Variants in NELL1 observed in about 807,000 individuals in gnomAD.
The protein encoded by NELL1 is protein kinase C-binding protein NELL1.
A neutral mutation model predicts 107.4 loss-of-function variants in NELL1; 76 were observed. The ratio of observed to expected loss-of-function variants is 0.71; its 90% confidence interval spans 0.59 to 0.86. The LOEUF (loss-of-function observed/expected upper bound fraction) is 0.86, where lower values mean the gene tolerates loss of function less well. Ranked by LOEUF, NELL1 falls within the 40% of genes least tolerant of loss-of-function variation. The pLI, the probability that NELL1 is intolerant of heterozygous loss-of-function variation, is 0.00. For missense variants in NELL1, 1,024 were observed against 1,005.5 expected (o/e 1.02, Z -0.25); for synonymous variants, 353 against 341.2 (o/e 1.03, Z -0.38).
intron 14 of NELL1, among the ~76,000 whole-genome samples, chr11:21,249,379 T>C (rs1858578989): frequency 1.3e-5 from 2 of 152,150 alleles, no homozygotes; most frequent in South Asian, 2.1e-4. Flanking sequence ...TCAACAGATA[T>C]ATTCTTGAAA....
chr11:21,484,778 C>A (rs1854584708), intron 15 of NELL1, among the ~76,000 whole-genome samples: 1 of 152,074 alleles, frequency 6.6e-6, no homozygotes, highest in Non-Finnish European at 1.5e-5. Context: ...TTCTCCAAAT[C>A]AACAGACTGA....
intron 2 of NELL1, among the ~76,000 whole-genome samples, chr11:20,751,686 T>C (rs1046658197): frequency 6.6e-6 from 1 of 151,420 alleles, no homozygotes; most frequent in Non-Finnish European, 1.5e-5. Flanking sequence ...GATGAAGTCT[T>C]GCTGTGTTGC....
At chr11:20,879,782 G>T (rs1590374295) in intron 4 of NELL1, among the ~76,000 whole-genome samples, 1 of 152,066 alleles carries the variant, frequency 6.6e-6, no homozygotes, top group African/African-American at 2.4e-5. Context: ...AAAGAAATAA[G>T]ATATTTACTT....
chr11:21,498,481 CA>C lies in NELL1; in HGVS notation c.1646-35892del, dbSNP rs577343671. 3.0e-3 allele frequency among the ~76,000 whole-genome samples: 454 copies of C among 150,850 alleles called. 4 individuals carry two copies. The highest frequency in any genetic ancestry group is 9.3e-3 in the African/African-American group (384 of 41,402). ...TTAAAGAGACACATATTGATACATA[CA>C]TAGTTCTGATAATTTTTTTAAGTAC... On this transcript the variant is annotated intron_variant, in intron 15 of 19. Transcript: ENST00000357134.
At chr11:21,368,207 C>G (rs963083966) in intron 14 of NELL1, among the ~76,000 whole-genome samples, 3 of 151,892 alleles carry the variant, frequency 2.0e-5, no homozygotes, top group African/African-American at 7.3e-5. Context: ...TTGGTTATTT[C>G]AGATAAAGAT....
chr11:21,090,263 T>C (rs903671179), intron 12 of NELL1, among the ~76,000 whole-genome samples: 7 of 152,272 alleles, frequency 4.6e-5, no homozygotes, highest in African/African-American at 1.7e-4. Context: ...TTTGTTGTTG[T>C]TGATGGTGAG....
At chr11:20,884,848 A>G (rs1358749164) in intron 4 of NELL1, among the ~76,000 whole-genome samples, 1 of 152,166 alleles carries the variant, frequency 6.6e-6, no homozygotes, top group East Asian at 1.9e-4. Context: ...AGAGCATAAA[A>G]AGTGTTCAAT....
chr11:21,212,444 CCTT>C (rs748576025), intron 13 of NELL1, among the ~76,000 whole-genome samples: 1 of 152,154 alleles, frequency 6.6e-6, no homozygotes, highest in Admixed American at 6.5e-5. Flanking sequence ...CAGTCCCAGT[CCTT>C]CTAGGTTCTT....
At chr11:21,245,447 G>A (rs1015435387) in intron 14 of NELL1, among the ~76,000 whole-genome samples, 1 of 152,150 alleles carries the variant, frequency 6.6e-6, no homozygotes, top group Non-Finnish European at 1.5e-5. Flanking sequence ...TGTGTCCTCA[G>A]TTGGAAGGAA....
intron 14 of NELL1, among the ~76,000 whole-genome samples, chr11:21,263,525 A>G (rs918983146): frequency 2.6e-4 from 39 of 152,110 alleles, no homozygotes; most frequent in Admixed American, 8.5e-4. Context: ...CCGGTATTCA[A>G]TATGGAATCT....
chr11:21,149,880 C>T (rs946239196), intron 13 of NELL1, among the ~76,000 whole-genome samples: 3 of 151,996 alleles, frequency 2.0e-5, no homozygotes, highest in African/African-American at 7.3e-5. Flanking sequence ...TAAAAAGTAC[C>T]AGTGAATGAC....
Position 20,978,304 on chromosome 11 carries a change from C to T in NELL1, c.1300+17744C>T, listed in dbSNP as rs181662307. Among the ~76,000 whole-genome samples, 81 of 152,192 alleles carry T rather than the reference C, an allele frequency of 5.3e-4. 1 individual carries two copies. In the East Asian group the frequency reaches 0.011, roughly 21 times the overall value. ...AGCATGTACTCTATGATAGTCACCG[C>T]GAAGCTAGGTATTACTATTATTCCC... On this transcript the variant is annotated intron_variant, in intron 12 of 19. Transcript: ENST00000357134.
intron 4 of NELL1, among the ~76,000 whole-genome samples, chr11:20,882,498 G>A (rs1293732720): frequency 6.6e-6 from 1 of 152,134 alleles, no homozygotes; most frequent in Admixed American, 6.5e-5. Flanking sequence ...CCCAGATTCT[G>A]CATTATTTGG....
At chr11:20,741,996 C>A (rs1295135942) in intron 2 of NELL1, among the ~76,000 whole-genome samples, 2 of 152,194 alleles carry the variant, frequency 1.3e-5, no homozygotes, top group Non-Finnish European at 2.9e-5. Context: ...CCAGAAGACA[C>A]TGATGCTGCA....
chr11:21,339,813 G>C (rs1850520856), intron 14 of NELL1, among the ~76,000 whole-genome samples: 1 of 152,188 alleles, frequency 6.6e-6, no homozygotes, highest in Non-Finnish European at 1.5e-5. Flanking sequence ...TCTGGCAGAA[G>C]CTGCAGCAGT....
intron 3 of NELL1, among the ~76,000 whole-genome samples, chr11:20,833,498 T>A (rs1262629874): frequency 6.6e-6 from 1 of 152,188 alleles, no homozygotes; most frequent in Non-Finnish European, 1.5e-5. Flanking sequence ...AAATATTTAT[T>A]AAGTCACTAC....
intron 14 of NELL1, among the ~76,000 whole-genome samples, chr11:21,281,977 A>G (rs549302529): frequency 2.6e-4 from 40 of 152,354 alleles, no homozygotes; most frequent in Middle Eastern, 3.4e-3. Context: ...CATAGACAAC[A>G]AAAGCAAAAG....
chr11:20,881,155 T>C (rs1027544015), intron 4 of NELL1, among the ~76,000 whole-genome samples: 1 of 152,194 alleles, frequency 6.6e-6, no homozygotes, highest in Non-Finnish European at 1.5e-5. Flanking sequence ...TAGTTAGGAA[T>C]TTTACTTTAT....
At chr11:20,903,081 T>G (rs1849913485) in intron 5 of NELL1, among the ~76,000 whole-genome samples, 1 of 152,084 alleles carries the variant, frequency 6.6e-6, no homozygotes, top group East Asian at 1.9e-4. Context: ...ATATGTTGTT[T>G]TGTACATCAT....
Sources: allele counts gnomAD v4.1 joint callset (sites outside exome capture counted in the v4.1 genomes callset), GRCh38; gene constraint gnomAD v4.1.1; transcripts MANE v1.5; gene names NCBI Gene and HGNC (gene_info 2026-07-23, HGNC 2026-07-21).